WTAP: variants seen among roughly 807,000 people sequenced by gnomAD.
WTAP encodes pre-mRNA-splicing regulator WTAP.
Under a neutral mutation model 50.0 loss-of-function variants are expected in WTAP, and 8 were observed. That is an observed-to-expected ratio of 0.16 (90% CI 0.09 to 0.29). WTAP has a LOEUF of 0.29. WTAP is among the 10% of genes least tolerant of loss of function. WTAP has a pLI of 1.00. For synonymous variants in WTAP, 194 were observed against 169.0 expected (o/e 1.15, Z -1.15); for missense variants, 295 against 470.7 (o/e 0.63, Z 3.45).
intron 1 of WTAP, among the ~76,000 whole-genome samples, chr6:159,732,651 A>G (rs1043192487): frequency 6.6e-6 from 1 of 152,150 alleles, no homozygotes; most frequent in African/African-American, 2.4e-5. Flanking sequence ...CCTGGTCAAC[A>G]TGGTGAAACT....
chr6:159,753,545 A>G lies in WTAP; in HGVS notation c.538A>G (p.Ile180Val), dbSNP rs1779896204. The change falls in exon 7 of 8, where the codon ATT becomes GTT. Residue 180 changes from isoleucine to valine, a missense_variant. Physicochemically the swap from Ile to Val is conservative, Grantham distance 29. This residue lies in a region of WTAP where 120 missense variants were observed against 287.6 expected (regional missense o/e 0.42). Coordinates refer to ENST00000621533, the MANE Select transcript of WTAP (RefSeq NM_001270531.2). The part of the protein sequence containing the change: ...ELGRQLSQGR[I>V]AQLEAELALQ... ...TGGAAGGCAGCTGTCCCAGGGACGT[A>G]TTGCACAACTTGAAGCAGAGTTGGC... The G allele has an allele frequency of 4.3e-6, 7 of 1,614,216 alleles. No individual in the cohort carries two copies. The highest frequency in any genetic ancestry group is 1.3e-5 in the African/African-American group (1 of 75,068).
chr6:159,749,305 A>T (rs1287117199), intron 6 of WTAP: 1 of 985,860 alleles, frequency 1.0e-6, no homozygotes. Flanking sequence ...GTTCCATTCA[A>T]CAGGCACATG....
chr6:159,748,401 C>T lies in WTAP; in HGVS notation c.452+32C>T. The T allele has an allele frequency of 6.2e-7, 1 of 1,608,740 alleles. No individual in the cohort carries two copies. The highest frequency in any genetic ancestry group is 8.5e-7 in the Non-Finnish European group (1 of 1,176,028). On this transcript the variant is annotated intron_variant, in intron 6 of 7. Coordinates refer to ENST00000621533, the MANE Select transcript of WTAP (RefSeq NM_001270531.2). The surrounding 1 kb of genome is among the most constrained non-coding windows in gnomAD (Gnocchi z 5.6). ...AAATCATACTCCCCAGTCAAGACTT[C>T]CCTGACAGTCCCACTACGAGAAAGC...
At position 159,727,532 on chromosome 6, in the gene WTAP, G is replaced by T; in HGVS notation, c.-180G>T. ...TCCCTCAGCGCCATTTTGTGGCAGC[G>T]AGACCCACAAATAAAGGGGAGCGCA... On this transcript the variant is annotated 5_prime_UTR_variant, in exon 1 of 8. Transcript: ENST00000621533. 1.0e-6 allele frequency: 1 copy of T among 992,138 alleles called. No homozygotes were observed. Among genetic ancestry groups the T allele is most frequent in the South Asian group, 4.4e-5 (1 of 22,570 alleles). 61.5% of individuals were successfully genotyped at this position (992,138 alleles called of 1,614,324 possible).
At chr6:159,750,330 A>G (rs976433390) in intron 6 of WTAP, among the ~76,000 whole-genome samples, 2 of 152,218 alleles carry the variant, frequency 1.3e-5, no homozygotes, top group Non-Finnish European at 1.5e-5. Flanking sequence ...TGACACTTAG[A>G]TAACAGTCAT....
chr6:159,736,336 T>C lies in WTAP; in HGVS notation c.30+41T>C, dbSNP rs369148848. On this transcript the variant is annotated intron_variant, in intron 2 of 7. Transcript: ENST00000621533. ...TTGGGTTTTTTTGTTTTGTTTTGGG[T>C]TTTTTGGGGGCTTTTTTAAGCACTT... is the stretch of plus-strand genomic sequence containing the variant. 2.0e-6 allele frequency: 3 copies of C among 1,507,328 alleles called. No homozygotes were observed. The East Asian group carries it at 6.8e-5, about 34-fold the overall frequency. The allele number at this position is 1,507,328 out of a possible 1,614,324, so 93.4% of individuals were successfully genotyped here.
intron 1 of WTAP, among the ~76,000 whole-genome samples, chr6:159,728,269 AT>A (rs553143386): frequency 2.6e-5 from 4 of 151,572 alleles, no homozygotes; most frequent in Non-Finnish European, 5.9e-5. Context: ...CAGTTACTAG[AT>A]TTTTTTTTCA....
intron 5 of WTAP, among the ~76,000 whole-genome samples, chr6:159,747,494 A>T (rs1052600811): frequency 2.0e-5 from 3 of 152,170 alleles, no homozygotes; most frequent in Admixed American, 6.6e-5. Flanking sequence ...TATGAATTAT[A>T]CTTTATTTTG....
chr6:159,740,975 T>C (rs970838025), intron 3 of WTAP, among the ~76,000 whole-genome samples: 14 of 152,210 alleles, frequency 9.2e-5, no homozygotes, highest in African/African-American at 3.4e-4. Context: ...GTGCTGGGAT[T>C]ACAGGCACGA....
intron 1 of WTAP, among the ~76,000 whole-genome samples, chr6:159,728,098 AAAAG>A (rs1339994427): frequency 1.3e-5 from 2 of 152,264 alleles, no homozygotes; most frequent in African/African-American, 4.8e-5. Context: ...AGCAAGGAAA[AAAAG>A]AAACATTCGT....
chr6:159,728,697 AATTC>A (rs1562448808), intron 1 of WTAP, among the ~76,000 whole-genome samples: 2 of 152,204 alleles, frequency 1.3e-5, no homozygotes, highest in African/African-American at 2.4e-5. Flanking sequence ...GATACATTTT[AATTC>A]ATTCAAGTAG....
At chr6:159,734,404 A>G (rs1259284109) in intron 1 of WTAP, among the ~76,000 whole-genome samples, 1 of 151,974 alleles carries the variant, frequency 6.6e-6, no homozygotes, top group East Asian at 1.9e-4. Context: ...TCAGTTTAAC[A>G]TACCAAGCTT....
intron 7 of WTAP, among the ~76,000 whole-genome samples, chr6:159,754,780 A>G (rs1779943621): frequency 6.6e-6 from 1 of 152,150 alleles, no homozygotes; most frequent in Non-Finnish European, 1.5e-5. Context: ...TTTTCCTTCT[A>G]CAGTTGCTTG....
intron 5 of WTAP, among the ~76,000 whole-genome samples, chr6:159,746,487 T>C (rs1300307642): frequency 6.6e-6 from 1 of 152,190 alleles, no homozygotes; most frequent in East Asian, 1.9e-4. Context: ...TTTGTGTAGA[T>C]CTTTTGTTTG....
rs1434871009 is a variant in WTAP, at chr6:159,748,449, C to T, written c.452+80C>T. The stretch of plus-strand genomic sequence containing the variant: ...AGCTGTGGTGGGACAGCCAAGTACT[C>T]GTTTCCACACCAAGACTCAGACTTT... On this transcript the variant is annotated intron_variant, in intron 6 of 7. Coordinates refer to ENST00000621533, the MANE Select transcript of WTAP (RefSeq NM_001270531.2). The surrounding 1 kb of genome is among the most constrained non-coding windows in gnomAD (Gnocchi z 5.6). The T allele has an allele frequency of 4.0e-5, 62 of 1,559,912 alleles. No homozygotes were observed. The highest frequency in any genetic ancestry group is 4.8e-5 in the Non-Finnish European group (55 of 1,152,530).
intron 5 of WTAP, chr6:159,745,237 T>G (rs1415226231): frequency 6.6e-6 from 1 of 152,236 alleles, no homozygotes; most frequent in South Asian, 2.1e-4. Flanking sequence ...GGATTCCTAC[T>G]CTTGACATCA....
At chr6:159,752,786 G>A (rs1779869837) in intron 6 of WTAP, among the ~76,000 whole-genome samples, 1 of 152,200 alleles carries the variant, frequency 6.6e-6, no homozygotes, top group African/African-American at 2.4e-5. Context: ...CAGGGTCCCT[G>A]TTTCCGAAGC....
upstream of WTAP, chr6:159,727,402 A>AGGCGGGAGGCGGGAGGCGGGG (rs773728704): frequency 2.6e-6 from 3 of 1,162,400 alleles, no homozygotes; most frequent in South Asian, 1.4e-5. Flanking sequence ...GGGAGGCGGG[A>AGGCGGGAGGCGGGAGGCGGGG]GGCAGTGGCG....
chr6:159,743,308 A>G (rs1303578895), intron 4 of WTAP, among the ~76,000 whole-genome samples: 1 of 152,230 alleles, frequency 6.6e-6, no homozygotes, highest in Non-Finnish European at 1.5e-5. Flanking sequence ...CAGCCTCCCA[A>G]AGTGCTGGGA....
Sources: gnomAD v4.1 joint callset for allele counts (sites outside exome capture counted in the v4.1 genomes callset) on GRCh38, gnomAD v4.1.1 for gene constraint, gnomAD v4.1.1 regional missense constraint, Gnocchi (gnomAD v3.1) non-coding constraint, MANE v1.5 for transcripts, NCBI Gene and HGNC (gene_info 2026-07-23, HGNC 2026-07-21) for gene names.